Variants in JARID2 observed in about 807,000 individuals in gnomAD.
JARID2 encodes the protein protein Jumonji.
JARID2 carries 21 observed loss-of-function variants against 125.6 expected under a neutral mutation model. That is an observed-to-expected ratio of 0.17 (90% CI 0.12 to 0.24). JARID2 has a LOEUF of 0.24. JARID2 is among the 10% of genes least tolerant of loss of function. The pLI is 1.00. For synonymous variants in JARID2, 736 were observed against 661.6 expected (o/e 1.11, Z -1.73); for missense variants, 1,303 against 1,639.6 (o/e 0.79, Z 3.55).
chr6:15,394,425 A>G (rs1051129618), intron 2 of JARID2, among the ~76,000 whole-genome samples: 1 of 152,090 alleles, frequency 6.6e-6, no homozygotes, highest in African/African-American at 2.4e-5. Flanking sequence ...TTGGCGAAAC[A>G]CCATCTTCAC....
chr6:15,294,403 A>G (rs972632059), intron 1 of JARID2, among the ~76,000 whole-genome samples: 3 of 152,228 alleles, frequency 2.0e-5, no homozygotes, highest in African/African-American at 7.2e-5. Context: ...CGTGTTAGCC[A>G]GGATGGTCTC....
chr6:15,501,548 G>A (rs1770736877), intron 8 of JARID2, 139 bp downstream of exon 8: 1 of 736,370 alleles, frequency 1.4e-6, no homozygotes, highest in Non-Finnish European at 2.1e-6. Flanking sequence ...TGTGCTGGGT[G>A]ATAGCGCTGT....
chr6:15,348,506 A>G (rs1763320206), intron 1 of JARID2, among the ~76,000 whole-genome samples: 2 of 152,100 alleles, frequency 1.3e-5, no homozygotes, highest in Admixed American at 1.3e-4. Context: ...ATGGGCTGGG[A>G]CTGGTTCAGA....
chr6:15,389,553 T>G (rs1418463491), intron 2 of JARID2, among the ~76,000 whole-genome samples: 1 of 152,224 alleles, frequency 6.6e-6, no homozygotes, highest in African/African-American at 2.4e-5. Flanking sequence ...GTACCCTCCA[T>G]GAGATGACTT....
chr6:15,284,643 C>A lies in JARID2; in HGVS notation c.45+38059C>A, dbSNP rs139546803. ...CTGGGATTACAGGCGCCTGCCAACA[C>A]GCTTGGCTAATTTTTGTATTTTTAG... On this transcript the variant is annotated intron_variant, in intron 1 of 17. Transcript: ENST00000341776. Among the ~76,000 whole-genome samples the A allele has an allele frequency of 3.5e-4, 53 of 151,880 alleles. No individual in the cohort carries two copies. In the East Asian group the frequency reaches 9.5e-3, roughly 27 times the overall value.
intron 3 of JARID2, among the ~76,000 whole-genome samples, chr6:15,448,007 C>T (rs553647146): frequency 6.6e-6 from 1 of 152,226 alleles, no homozygotes; most frequent in Non-Finnish European, 1.5e-5. Flanking sequence ...GCCATTCAAG[C>T]TCTTTGGTTG....
intron 2 of JARID2, among the ~76,000 whole-genome samples, chr6:15,381,341 C>CA (rs11358363): frequency 0.04 from 3,720 of 92,878 alleles, 119 homozygotes; most frequent in Middle Eastern, 0.076. Context: ...ACTCCTGTCT[C>CA]AAAAAAAAAA....
intron 1 of JARID2, among the ~76,000 whole-genome samples, chr6:15,335,299 CG>C (rs1762841923): frequency 6.6e-6 from 1 of 152,010 alleles, no homozygotes; most frequent in South Asian, 2.1e-4. Flanking sequence ...AGGGTTTCAC[CG>C]TGTTGGCCAG....
At chr6:15,396,310 A>T (rs1317862687) in intron 2 of JARID2, among the ~76,000 whole-genome samples, 2 of 152,180 alleles carry the variant, frequency 1.3e-5, no homozygotes, top group African/African-American at 4.8e-5. Flanking sequence ...TTACTTGTGT[A>T]ATTAATGCCT....
In JARID2 at chr6:15,419,359, G is replaced by C. The variant is rs569520716; in HGVS notation, c.323+8994G>C. On this transcript the variant is annotated intron_variant, in intron 3 of 17. Coordinates refer to ENST00000341776, the MANE Select transcript of JARID2 (RefSeq NM_004973.4). The stretch of plus-strand genomic sequence containing the variant: ...TTGAGTAATAGATTATGATGTGGCA[G>C]TTTTGAACACAAAAGATGTGGAAGT... 1.5e-4 allele frequency among the ~76,000 whole-genome samples: 23 copies of C among 152,320 alleles called. No individual in the cohort carries two copies. In the South Asian group the frequency reaches 3.3e-3, roughly 22 times the overall value.
chr6:15,374,038 T>C, intron 1 of JARID2, 79 bp from the exon 2 acceptor site: 1 of 1,528,730 alleles, frequency 6.5e-7, no homozygotes. Context: ...GAAATTCCTT[T>C]AAAATAAAGT....
chr6:15,294,614 G>A (rs1761341167), intron 1 of JARID2, among the ~76,000 whole-genome samples: 1 of 152,218 alleles, frequency 6.6e-6, no homozygotes, highest in South Asian at 2.1e-4. Flanking sequence ...GTGTGTGCGT[G>A]TGCATCACAT....
chr6:15,272,171 T>C (rs1484335699), intron 1 of JARID2, among the ~76,000 whole-genome samples: 1 of 152,254 alleles, frequency 6.6e-6, no homozygotes, highest in African/African-American at 2.4e-5. Context: ...AAAACAGTGA[T>C]GCAATTGTAA....
chr6:15,479,265 A>C (rs1769498174), intron 5 of JARID2, among the ~76,000 whole-genome samples: 1 of 152,232 alleles, frequency 6.6e-6, no homozygotes, highest in Non-Finnish European at 1.5e-5. Flanking sequence ...GGGGGCCAAG[A>C]GGGCCAAGAA....
chr6:15,485,851 T>G (rs1297676571), intron 5 of JARID2, among the ~76,000 whole-genome samples: 1 of 152,164 alleles, frequency 6.6e-6, no homozygotes, highest in Non-Finnish European at 1.5e-5. Flanking sequence ...AAAAGGGAGT[T>G]TTCAGAAAGG....
chr6:15,407,134 C>T (rs1765682857), intron 2 of JARID2, among the ~76,000 whole-genome samples: 3 of 151,904 alleles, frequency 2.0e-5, no homozygotes, highest in African/African-American at 7.3e-5. Context: ...TGGTGGTGCA[C>T]ACTTGTAGTC....
chr6:15,338,464 C>A (rs1581429492), intron 1 of JARID2, among the ~76,000 whole-genome samples: 1 of 152,214 alleles, frequency 6.6e-6, no homozygotes, highest in Non-Finnish European at 1.5e-5. Context: ...ATTTTGATAC[C>A]ATTTGGCAAA....
intron 17 of JARID2, among the ~76,000 whole-genome samples, chr6:15,518,192 C>T (rs895107211): frequency 2.6e-5 from 4 of 152,240 alleles, no homozygotes; most frequent in Admixed American, 2.0e-4. Flanking sequence ...CGGCTGAGCA[C>T]GAGCATGGCT....
chr6:15,251,539 A>G (rs900868546), intron 1 of JARID2, among the ~76,000 whole-genome samples: 1 of 152,220 alleles, frequency 6.6e-6, no homozygotes, highest in Admixed American at 6.5e-5. Context: ...ATCCCAGGAT[A>G]CAGGTCCTGG....
Sources: gnomAD v4.1 joint callset for allele counts (sites outside exome capture counted in the v4.1 genomes callset) on GRCh38, gnomAD v4.1.1 for gene constraint, MANE v1.5 for transcripts, NCBI Gene and HGNC (gene_info 2026-07-23, HGNC 2026-07-21) for gene names.